SPECC1: variants seen among roughly 807,000 people sequenced by gnomAD.
SPECC1 encodes the protein cytospin-B.
Under a neutral mutation model 104.1 loss-of-function variants are expected in SPECC1, and 62 were observed. That is an observed-to-expected ratio of 0.60 (90% CI 0.49 to 0.74). The LOEUF is 0.74. Ranked by LOEUF, SPECC1 falls within the 30% of genes least tolerant of loss-of-function variation. The probability of loss-of-function intolerance (pLI) is 0.00; values close to 1 mark genes in which losing one functional copy is unlikely to be tolerated. For synonymous variants in SPECC1, 513 were observed against 501.6 expected, an observed-to-expected ratio of 1.02 and a Z score of -0.30; for missense variants, 1,306 against 1,310.5, an observed-to-expected ratio of 1.00 and a Z score of 0.05.
intron 1 of SPECC1, among the ~76,000 whole-genome samples, chr17:20,021,662 T>TAC (rs2044379932): frequency 7.0e-6 from 1 of 143,424 alleles, no homozygotes; most frequent in Non-Finnish European, 1.5e-5. Flanking sequence ...AAGGCTCTGA[T>TAC]ATATATATAT....
intron 3 of SPECC1, among the ~76,000 whole-genome samples, chr17:20,135,563 C>T (rs1567868655): frequency 6.6e-6 from 1 of 152,096 alleles, no homozygotes; most frequent in African/African-American, 2.4e-5. Context: ...GTGATCCTCC[C>T]GCCTCAGCCT....
At chr17:20,199,876 G>A (rs1229202538) in intron 3 of SPECC1, among the ~76,000 whole-genome samples, 7 of 152,054 alleles carry the variant, frequency 4.6e-5, no homozygotes, top group African/African-American at 7.2e-5. Context: ...TGCAACCTCC[G>A]CCTCCCGGCT....
At chr17:20,053,583 C>T (rs935638067) in intron 1 of SPECC1, among the ~76,000 whole-genome samples, 4 of 152,200 alleles carry the variant, frequency 2.6e-5, no homozygotes, top group Non-Finnish European at 5.9e-5. Flanking sequence ...TCTCAGATCA[C>T]TCATGCTGAG....
At chr17:20,042,528 C>T (rs7210751) in intron 1 of SPECC1, among the ~76,000 whole-genome samples, 10,511 of 152,248 alleles carry the variant, frequency 0.069, 983 homozygotes, top group African/African-American at 0.21. Flanking sequence ...GGGCTCCTTA[C>T]TACTGCCATG....
chr17:20,106,283 A>G (rs919284049), intron 2 of SPECC1, among the ~76,000 whole-genome samples: 14 of 152,376 alleles, frequency 9.2e-5, no homozygotes, highest in African/African-American at 3.4e-4. Flanking sequence ...TGCCAACATT[A>G]TAGACTATGG....
At chr17:20,228,798 A>G (rs566588736) in intron 5 of SPECC1, among the ~76,000 whole-genome samples, 1 of 152,356 alleles carries the variant, frequency 6.6e-6, no homozygotes, top group East Asian at 1.9e-4. Flanking sequence ...ATTAAACATT[A>G]CCTTCTTTGT....
chr17:20,232,090 A>G, intron 6 of SPECC1, 110 bp from the exon 7 acceptor site: 1 of 1,299,494 alleles, frequency 7.7e-7, no homozygotes, highest in East Asian at 2.3e-5. Context: ...GGCCTCACCA[A>G]GCACTGATGG....
chr17:20,254,398 A>T (rs996126982), intron 10 of SPECC1, among the ~76,000 whole-genome samples: 1 of 152,076 alleles, frequency 6.6e-6, no homozygotes, highest in Non-Finnish European at 1.5e-5. Context: ...TAGTCTCCTC[A>T]TCTCTAAAAC....
chr17:20,012,942 A>T (rs2043992453), intron 1 of SPECC1, among the ~76,000 whole-genome samples: 1 of 152,114 alleles, frequency 6.6e-6, no homozygotes, highest in South Asian at 2.1e-4. Context: ...CTAATATAGT[A>T]CCTCATATAG....
chr17:20,110,283 C>T (rs1172224068), intron 2 of SPECC1, 144 bp from the exon 3 acceptor site: 11 of 1,006,090 alleles, frequency 1.1e-5, no homozygotes, highest in Middle Eastern at 2.8e-4. Context: ...CATTTTTTCA[C>T]TTCACTCTAT....
At chr17:20,076,655 C>T (rs2046770813) in intron 1 of SPECC1, among the ~76,000 whole-genome samples, 2 of 152,182 alleles carry the variant, frequency 1.3e-5, no homozygotes, top group African/African-American at 4.8e-5. Context: ...GTCCATGGAA[C>T]TTTCCTTATG....
chr17:20,204,330 A>G lies in SPECC1; in HGVS notation c.284-3A>G. On this transcript the variant is annotated splice_polypyrimidine_tract_variant and splice_region_variant and intron_variant, in intron 3 of 14. Coordinates refer to ENST00000395527, the MANE Select transcript of SPECC1 (RefSeq NM_001243439.2). ...TTCATTTTTTTCTTCTTCTGTCTTT[A>G]AGGGGCCTTTACAACAACTAAACGG... 1.2e-6 allele frequency: 2 copies of G among 1,601,006 alleles called. No homozygotes were observed. The highest frequency in any genetic ancestry group is 1.7e-6 in the Non-Finnish European group (2 of 1,176,030).
chr17:20,225,554 T>C lies in SPECC1; in HGVS notation c.1864-1859T>C, dbSNP rs528164075. Among the ~76,000 whole-genome samples, 9 of 152,240 alleles carry C rather than the reference T, an allele frequency of 5.9e-5. No homozygotes were observed. In the South Asian group the frequency reaches 1.9e-3, roughly 32 times the overall value. On this transcript the variant is annotated intron_variant, in intron 4 of 14. Transcript: ENST00000395527. ...GTGATGGGACAGCACCAAATTCCAATGCAATCTCACAATCATTGTGCTTTC... is the reference window on the plus strand; with the variant it reads ...GTGATGGGACAGCACCAAATTCCAACGCAATCTCACAATCATTGTGCTTTC...
At chr17:20,298,948 A>AGAGAGAGAGAGAGAGAGTGTGTGTGTGT in intron 13 of SPECC1, among the ~76,000 whole-genome samples, 3 of 49,066 alleles carry the variant, frequency 6.1e-5, no homozygotes, top group Non-Finnish European at 1.1e-4. Context: ...AGAGAGAGAG[A>AGAGAGAGAGAGAGAGAGTGTGTGTGTGT]GTGTGTGTGT....
intron 3 of SPECC1, among the ~76,000 whole-genome samples, chr17:20,166,501 A>G (rs960881542): frequency 6.6e-6 from 1 of 152,328 alleles, no homozygotes; most frequent in African/African-American, 2.4e-5. Context: ...TGAAAACTAC[A>G]ATTATAGATC....
At chr17:20,060,276 A>G (rs1437036607) in intron 1 of SPECC1, among the ~76,000 whole-genome samples, 1 of 152,184 alleles carries the variant, frequency 6.6e-6, no homozygotes, top group African/African-American at 2.4e-5. Context: ...TTGGTTTACT[A>G]AAGAGACCAT....
chr17:20,068,329 T>A (rs1190249162), intron 1 of SPECC1, among the ~76,000 whole-genome samples: 1 of 152,254 alleles, frequency 6.6e-6, no homozygotes, highest in Admixed American at 6.5e-5. Flanking sequence ...TATTCCTTTT[T>A]ACTGATGGAT....
Position 20,034,095 on chromosome 17 carries a change from CTT to C in SPECC1, c.-22+24684_-22+24685del, listed in dbSNP as rs34012755. 8.4e-3 allele frequency among the ~76,000 whole-genome samples: 1,222 copies of C among 144,876 alleles called. 19 individuals carry two copies. The highest frequency in any genetic ancestry group is 0.028 in the African/African-American group (1,118 of 39,292). ...GTTTCTAAAGTAAGCGTTTGATATT[CTT>C]TTTTTTTTTTTTCTTTTGAGACGGA... On this transcript the variant is annotated intron_variant, in intron 1 of 14. Coordinates refer to ENST00000395527, the MANE Select transcript of SPECC1 (RefSeq NM_001243439.2).
Position 20,253,556 on chromosome 17 carries a change from C to G in SPECC1, c.2650C>G (p.Arg884Gly), listed in dbSNP as rs771693569. ...VRPASRGVTQ[R>G]LDLPDLPLSD... ...GCCAGCCAGCAGAGGGGTGACTCAACGCTTGGACCTTCCTGACCTTCCCCT... is the reference window on the plus strand; with the variant it reads ...GCCAGCCAGCAGAGGGGTGACTCAAGGCTTGGACCTTCCTGACCTTCCCCT... The change falls in exon 10 of 15, where the codon CGC becomes GGC. Residue 884 changes from arginine (R) to glycine (G), a missense_variant. By Grantham distance (125) the Arg-to-Gly change is moderately radical. Coordinates refer to ENST00000395527, the MANE Select transcript of SPECC1 (RefSeq NM_001243439.2). 15 of 1,613,928 alleles carry G rather than the reference C, an allele frequency of 9.3e-6. No individual in the cohort carries two copies. The highest frequency in any genetic ancestry group is 1.1e-5 in the Non-Finnish European group (13 of 1,180,034).
Sources: allele counts gnomAD v4.1 joint callset (sites outside exome capture counted in the v4.1 genomes callset), GRCh38; gene constraint gnomAD v4.1.1; transcripts MANE v1.5; gene names NCBI Gene and HGNC (gene_info 2026-07-23, HGNC 2026-07-21).